Variants in AGBL4 observed in about 807,000 individuals in gnomAD.
AGBL4 encodes the protein cytosolic carboxypeptidase 6.
In AGBL4, 58 loss-of-function variants were observed where a neutral mutation model predicts 66.4. The ratio of observed to expected loss-of-function variants is 0.87; its 90% confidence interval spans 0.71 to 1.09. The LOEUF (loss-of-function observed/expected upper bound fraction) is 1.09. Among genes scored for constraint, AGBL4 ranks in the 50% least tolerant of loss-of-function variants. The pLI is 0.00. For synonymous variants in AGBL4, 234 were observed against 222.9 expected, an observed-to-expected ratio of 1.05 and a Z score of -0.44; for missense variants, 579 against 631.0, an observed-to-expected ratio of 0.92 and a Z score of 0.88.
chr1:48,892,969 C>T (rs1253641757), intron 5 of AGBL4, among the ~76,000 whole-genome samples: 1 of 152,162 alleles, frequency 6.6e-6, no homozygotes, highest in African/African-American at 2.4e-5. Flanking sequence ...TACAGTTAGA[C>T]TCAGAATACA....
intron 4 of AGBL4, among the ~76,000 whole-genome samples, chr1:49,198,925 T>G (rs1490752153): frequency 1.3e-5 from 2 of 152,166 alleles, no homozygotes; most frequent in Non-Finnish European, 2.9e-5. Flanking sequence ...TGCACATATG[T>G]GCTTGGTATG....
intron 1 of AGBL4, among the ~76,000 whole-genome samples, chr1:49,905,930 C>T (rs1162864907): frequency 6.6e-6 from 1 of 151,800 alleles, no homozygotes; most frequent in African/African-American, 2.4e-5. Context: ...GTATTAAATC[C>T]CTACTCTCTC....
chr1:48,726,114 CATT>C (rs1327447863), intron 6 of AGBL4, among the ~76,000 whole-genome samples: 1 of 152,204 alleles, frequency 6.6e-6, no homozygotes, highest in African/African-American at 2.4e-5. Context: ...ATCCCATAAT[CATT>C]AACTGCCCTG....
At chr1:48,749,012 A>C (rs948236465) in intron 6 of AGBL4, among the ~76,000 whole-genome samples, 10 of 152,048 alleles carry the variant, frequency 6.6e-5, no homozygotes, top group African/African-American at 2.4e-4. Flanking sequence ...AGAGCAGCAG[A>C]GTTGAAATGG....
intron 9 of AGBL4, among the ~76,000 whole-genome samples, chr1:48,615,485 T>C (rs1238177716): frequency 3.3e-5 from 5 of 152,214 alleles, no homozygotes. Context: ...AAAACAGATG[T>C]GATCTCAGTA....
At chr1:48,953,698 C>T (rs982340070) in intron 5 of AGBL4, among the ~76,000 whole-genome samples, 4 of 152,114 alleles carry the variant, frequency 2.6e-5, no homozygotes, top group Non-Finnish European at 2.9e-5. Context: ...TGATCCTTAG[C>T]TCTGAGGAGG....
intron 2 of AGBL4, among the ~76,000 whole-genome samples, chr1:49,730,353 A>C (rs1649343455): frequency 6.6e-6 from 1 of 152,172 alleles, no homozygotes; most frequent in Non-Finnish European, 1.5e-5. Flanking sequence ...GGTGTGAATA[A>C]AAAGAGCTGT....
intron 10 of AGBL4, 41 bp downstream of exon 10, chr1:48,590,792 G>A (rs376554419): frequency 1.8e-5 from 28 of 1,559,874 alleles, no homozygotes; most frequent in Non-Finnish European, 2.3e-5. Flanking sequence ...GAGGCAGGGT[G>A]TGGGGGGCTG....
intron 1 of AGBL4, among the ~76,000 whole-genome samples, chr1:49,862,953 T>C (rs1387968134): frequency 6.6e-6 from 1 of 152,176 alleles, no homozygotes; most frequent in Non-Finnish European, 1.5e-5. Flanking sequence ...AGTAATTACC[T>C]GAGGGTACAA....
chr1:49,465,292 A>C (rs1424466321), intron 3 of AGBL4, among the ~76,000 whole-genome samples: 3 of 150,626 alleles, frequency 2.0e-5, no homozygotes, highest in African/African-American at 7.3e-5. Context: ...CTGGGTGCCA[A>C]GAATTATGGA....
rs185734242 is a variant in AGBL4 at position 49,972,276 on chromosome 1, G to T, written c.34+51487C>A. Among the ~76,000 whole-genome samples, 30 of 151,982 alleles carry T rather than the reference G, an allele frequency of 2.0e-4. No homozygotes were observed. In the East Asian group the frequency reaches 5.1e-3, roughly 26 times the overall value. Reference sequence around the variant, plus strand: ...TTAGTGTACTCATCACCCTAACAGTGAACATTGTACCCAATTGGCAGTTTT... The same window carrying T: ...TTAGTGTACTCATCACCCTAACAGTTAACATTGTACCCAATTGGCAGTTTT... On this transcript the variant is annotated intron_variant, in intron 1 of 13. Coordinates refer to ENST00000371839, the MANE Select transcript of AGBL4 (RefSeq NM_032785.4).
intron 4 of AGBL4, among the ~76,000 whole-genome samples, chr1:49,114,540 A>G (rs547469484): frequency 4.4e-4 from 67 of 152,150 alleles, no homozygotes; most frequent in Non-Finnish European, 8.1e-4. Flanking sequence ...AGAATTTTTC[A>G]TTTGCATAAA....
At chr1:48,556,471 C>T (rs750111506) in intron 11 of AGBL4, among the ~76,000 whole-genome samples, 18 of 152,212 alleles carry the variant, frequency 1.2e-4, no homozygotes, top group Admixed American at 2.6e-4. Context: ...TTATATCCCA[C>T]GCGTTCATTC....
At chr1:50,005,261 C>A (rs1661043135) in intron 1 of AGBL4, among the ~76,000 whole-genome samples, 1 of 152,160 alleles carries the variant, frequency 6.6e-6, no homozygotes, top group African/African-American at 2.4e-5. Context: ...TCTTCTGCCA[C>A]CCCTCCCTCA....
At chr1:49,914,642 C>G (rs1651203538) in intron 1 of AGBL4, among the ~76,000 whole-genome samples, 1 of 152,194 alleles carries the variant, frequency 6.6e-6, no homozygotes, top group Non-Finnish European at 1.5e-5. Context: ...TTACGCAGAT[C>G]CAAAGCCACT....
chr1:49,744,655 G>A (rs1650846092), intron 2 of AGBL4, among the ~76,000 whole-genome samples: 1 of 151,976 alleles, frequency 6.6e-6, no homozygotes, highest in Non-Finnish European at 1.5e-5. Flanking sequence ...TATGAAAAAA[G>A]TATAAACCTA....
intron 3 of AGBL4, among the ~76,000 whole-genome samples, chr1:49,480,419 G>A (rs150400792): frequency 1.2e-3 from 187 of 151,644 alleles, no homozygotes; most frequent in African/African-American, 4.3e-3. Flanking sequence ...AGGTTTGTTG[G>A]CCACTTGCAT....
chr1:49,391,563 G>GT (rs368616423), intron 3 of AGBL4, among the ~76,000 whole-genome samples: 1 of 114,230 alleles, frequency 8.8e-6, no homozygotes, highest in East Asian at 2.8e-4. Context: ...TTTTTTTTTT[G>GT]TTTTTTTTTT....
At chr1:49,995,382 C>T in intron 1 of AGBL4, 1 of 432,286 alleles carries the variant, frequency 2.3e-6, no homozygotes, top group Non-Finnish European at 4.7e-6. Context: ...CGGCCTTTCC[C>T]ACTTCCCTGG....
Sources: allele counts gnomAD v4.1 joint callset (sites outside exome capture counted in the v4.1 genomes callset), GRCh38; gene constraint gnomAD v4.1.1; transcripts MANE v1.5; gene names NCBI Gene and HGNC (gene_info 2026-07-23, HGNC 2026-07-21).